The following BMP2K variants were observed in gnomAD, a reference collection of about 807,000 sequenced individuals.
BMP2K encodes the protein BMP-2-inducible protein kinase.
BMP2K carries 74 observed loss-of-function variants against 116.0 expected under a neutral mutation model. The observed-to-expected ratio is 0.64, with a 90% CI of 0.53 to 0.77. The LOEUF (loss-of-function observed/expected upper bound fraction) is 0.77, where lower values mean the gene tolerates loss of function less well. Among genes scored for constraint, BMP2K ranks in the 30% least tolerant of loss-of-function variants. The pLI, the probability that BMP2K is intolerant of heterozygous loss-of-function variation, is 0.00. For missense variants in BMP2K, 1,365 were observed against 1,403.6 expected (o/e 0.97, Z 0.44); for synonymous variants, 486 against 502.5 (o/e 0.97, Z 0.44).
chr4:78,843,368 T>A (rs1730850273), intron 4 of BMP2K, among the ~76,000 whole-genome samples: 2 of 151,874 alleles, frequency 1.3e-5, no homozygotes, highest in African/African-American at 4.8e-5. Context: ...ACTATGCCTA[T>A]TATTTATTTC....
At chr4:78,815,347 G>A (rs1244932325) in intron 1 of BMP2K, among the ~76,000 whole-genome samples, 1 of 152,064 alleles carries the variant, frequency 6.6e-6, no homozygotes, top group East Asian at 1.9e-4. Context: ...TTATGTGAAG[G>A]TATAGCATGA....
chr4:78,899,655 AT>A (rs538919816), intron 15 of BMP2K, among the ~76,000 whole-genome samples: 5,307 of 145,830 alleles, frequency 0.036, 268 homozygotes, highest in African/African-American at 0.11. Flanking sequence ...TGAAGAAAGA[AT>A]TTTTTTTTTT....
intron 1 of BMP2K, among the ~76,000 whole-genome samples, chr4:78,809,676 G>A (rs1728990232): frequency 6.7e-6 from 1 of 149,826 alleles, no homozygotes; most frequent in Non-Finnish European, 1.5e-5. Flanking sequence ...CACTGTGCCT[G>A]GTTTAAAGTG....
chr4:78,858,171 G>A (rs559960836), intron 7 of BMP2K, among the ~76,000 whole-genome samples: 1 of 152,034 alleles, frequency 6.6e-6, no homozygotes, highest in East Asian at 1.9e-4. Flanking sequence ...TAGGTTTCGT[G>A]TGATTTGTTT....
chr4:78,806,977 G>A (rs1728853216), intron 1 of BMP2K, among the ~76,000 whole-genome samples: 1 of 151,764 alleles, frequency 6.6e-6, no homozygotes, highest in South Asian at 2.1e-4. Context: ...AGCTTCCCGA[G>A]TAGCTGGGAT....
Position 78,783,897 on chromosome 4 carries a change from C to G in BMP2K, c.178+7176C>G, listed in dbSNP as rs903715715. On this transcript the variant is annotated intron_variant, in intron 1 of 15. Transcript: ENST00000502613. ...AATATCTTTGCTTTTAGGCTGTAGT[C>G]AACTATTGTGGTTAATACTGACATT... Among the ~76,000 whole-genome samples the G allele has an allele frequency of 5.3e-5, 8 of 152,194 alleles. No homozygotes were observed. In the East Asian group the frequency reaches 5.8e-4, roughly 11 times the overall value.
chr4:78,871,562 G>A (rs1489793390), intron 11 of BMP2K, among the ~76,000 whole-genome samples: 2 of 152,186 alleles, frequency 1.3e-5, no homozygotes, highest in African/African-American at 4.8e-5. Context: ...AGTCACTCAG[G>A]TGTCTTTATC....
intron 1 of BMP2K, among the ~76,000 whole-genome samples, chr4:78,801,859 C>T (rs1728584274): frequency 1.3e-5 from 2 of 152,116 alleles, no homozygotes. Context: ...TTACATCTAT[C>T]GTCACTTTTT....
chr4:78,789,808 T>G lies in BMP2K; in HGVS notation c.178+13087T>G, dbSNP rs114019545. Among the ~76,000 whole-genome samples, 690 of 152,338 alleles carry G rather than the reference T, an allele frequency of 4.5e-3. 2 individuals carry two copies. The highest frequency in any genetic ancestry group is 0.016 in the African/African-American group (653 of 41,576). On this transcript the variant is annotated intron_variant, in intron 1 of 15. Coordinates refer to ENST00000502613, the MANE Select transcript of BMP2K (RefSeq NM_198892.2). ...AGCGTAAAGGTGCAATACTTCAGCT[T>G]CTTCAGTTGAATTCAGCATAGCAAC...
intron 3 of BMP2K, among the ~76,000 whole-genome samples, chr4:78,834,479 T>C (rs987657605): frequency 1.8e-4 from 28 of 152,240 alleles, no homozygotes; most frequent in Non-Finnish European, 3.1e-4. Flanking sequence ...ACCAGGATGG[T>C]CTCGATCTCC....
At chr4:78,872,433 A>C in intron 12 of BMP2K, 181 bp from the exon 13 acceptor site, 1 of 491,198 alleles carries the variant, frequency 2.0e-6, no homozygotes, top group Non-Finnish European at 3.4e-6. Flanking sequence ...ACAACTTTTT[A>C]AAAAGATTTA....
At position 78,909,089 on chromosome 4, in the gene BMP2K, C is replaced by T. The variant is rs141021513; in HGVS notation, c.2063-1521C>T. ...TTTTTTTTTTTTTTTTGAGACAGTT[C>T]GCTCTTTGGCCCAGACTGGAGTGCA... is the stretch of plus-strand genomic sequence containing the variant. On this transcript the variant is annotated intron_variant, in intron 15 of 15. Coordinates refer to ENST00000502613, the MANE Select transcript of BMP2K (RefSeq NM_198892.2). Among the ~76,000 whole-genome samples the T allele has an allele frequency of 3.1e-4, 33 of 108,194 alleles. No individual in the cohort carries two copies. In the East Asian group the frequency reaches 5.7e-3, roughly 19 times the overall value. The allele number at this position is 108,194 out of a possible 152,430, so 71.0% of individuals were successfully genotyped here.
At chr4:78,797,652 T>G (rs1728362116) in intron 1 of BMP2K, among the ~76,000 whole-genome samples, 1 of 152,210 alleles carries the variant, frequency 6.6e-6, no homozygotes, top group African/African-American at 2.4e-5. Context: ...ATCATTTTTA[T>G]TAAGTTTTAA....
chr4:78,868,886 C>T (rs370307464), intron 10 of BMP2K, among the ~76,000 whole-genome samples: 29 of 152,276 alleles, frequency 1.9e-4, no homozygotes, highest in African/African-American at 6.5e-4. Flanking sequence ...TCTCTCCCGG[C>T]GGCTTTCATG....
At chr4:78,844,800 A>G (rs1488847880) in intron 4 of BMP2K, 128 bp from the exon 5 acceptor site, 4 of 752,798 alleles carry the variant, frequency 5.3e-6, no homozygotes, top group African/African-American at 3.5e-5. Context: ...TGTATATGGC[A>G]TATACCCTTC....
Position 78,889,229 on chromosome 4 carries a change from A to G in BMP2K, c.2062+1945A>G, listed in dbSNP as rs1733290075. Among the ~76,000 whole-genome samples the G allele has an allele frequency of 2.0e-5, 3 of 149,818 alleles. No individual in the cohort carries two copies. The Admixed American group carries it at 2.1e-4, about 11-fold the overall frequency. On this transcript the variant is annotated intron_variant, in intron 15 of 15. Coordinates refer to ENST00000502613, the MANE Select transcript of BMP2K (RefSeq NM_198892.2). ...GAGTGAGACTCTGTCTCAAAAAAAAAAAAAAAAAAAAAAGCCCATTAATAT... is the reference window on the plus strand; with the variant it reads ...GAGTGAGACTCTGTCTCAAAAAAAAGAAAAAAAAAAAAAGCCCATTAATAT...
chr4:78,788,201 A>T (rs1369333015), intron 1 of BMP2K, among the ~76,000 whole-genome samples: 1 of 151,260 alleles, frequency 6.6e-6, no homozygotes, highest in African/African-American at 2.4e-5. Context: ...ACAGGCACAG[A>T]AAAAAAAAGT....
Position 78,915,752 on chromosome 4 carries a change from G to A in BMP2K, c.*3719G>A, listed in dbSNP as rs1734997209. 6.6e-6 allele frequency: 1 copy of A among 151,948 alleles called. No individual in the cohort carries two copies. Among genetic ancestry groups the A allele is most frequent in the Admixed American group, 6.6e-5 (1 of 15,222 alleles). The allele number at this position is 151,948 out of a possible 1,614,324, so 9.4% of individuals were successfully genotyped here. ...TCACTCCTAGTGAGGGTTTACAAAA[G>A]CTACTAAGAGAATAAGGTAGATGAT... is the stretch of plus-strand genomic sequence containing the variant. On this transcript the variant is annotated 3_prime_UTR_variant, in exon 16 of 16. Transcript: ENST00000502613.
intron 1 of BMP2K, among the ~76,000 whole-genome samples, chr4:78,781,759 C>T (rs1473716443): frequency 6.6e-6 from 1 of 152,050 alleles, no homozygotes; most frequent in Non-Finnish European, 1.5e-5. Context: ...AGCCTGGTCC[C>T]CAACTTTTGA....
Sources: allele counts gnomAD v4.1 joint callset (sites outside exome capture counted in the v4.1 genomes callset), GRCh38; gene constraint gnomAD v4.1.1; transcripts MANE v1.5; gene names NCBI Gene and HGNC (gene_info 2026-07-23, HGNC 2026-07-21).